Variants in PLAC1 observed in about 807,000 individuals in gnomAD.
PLAC1 encodes placenta associated 1.
For synonymous variants in PLAC1, 68 were observed against 62.1 expected (o/e 1.09, Z -0.44); for missense variants, 136 against 163.2 (o/e 0.83, Z 0.91).
chrX:134,733,946 G>T (rs2078696021), intron 1 of PLAC1, among the ~76,000 whole-genome samples: 1 of 112,006 alleles, frequency 8.9e-6, no homozygotes, highest in Non-Finnish European at 1.9e-5. Context: ...TTAGGACCCT[G>T]TCTGTTTAGT....
Position 134,665,071 on chromosome X carries a change from A to AGTGTGTGTGTGTGT in PLAC1, n.175-62963_175-62950dup, listed in dbSNP as rs59815179. 5.7e-3 allele frequency among the ~76,000 whole-genome samples: 592 copies of AGTGTGTGTGTGTGT among 103,832 alleles called. 4 individuals are homozygous for AGTGTGTGTGTGTGT. The highest frequency in any genetic ancestry group is 0.02 in the African/African-American group (571 of 28,414). 90.2% of individuals were successfully genotyped at this position (103,832 alleles called of 115,157 possible). ...TTAATTGCAAGCTTTGTGATTTTGGAGTGTGTGTGTGTGTGTGTGTGTGTA... is the reference window on the plus strand; with the variant it reads ...TTAATTGCAAGCTTTGTGATTTTGGAGTGTGTGTGTGTGTGTGTGTGTGTGTGTGTGTGTGTGTA... On this transcript the variant is annotated intron_variant and non_coding_transcript_variant, in intron 2 of 2. Transcript: ENST00000466797.
chrX:134,733,870 T>C (rs754033361), intron 1 of PLAC1, among the ~76,000 whole-genome samples: 171 of 110,226 alleles, frequency 1.6e-3, no homozygotes, highest in South Asian at 9.8e-3. Flanking sequence ...ATGAGAGCGT[T>C]CACTGCCCTT....
intron 2 of PLAC1, among the ~76,000 whole-genome samples, chrX:134,673,068 A>AAGAG (rs1385554040): frequency 8.9e-6 from 1 of 112,437 alleles, no homozygotes; most frequent in Non-Finnish European, 1.9e-5. Context: ...AAAGGTGAGA[A>AAGAG]AGAGAGAAAC....
At chrX:134,673,286 AAGAAGGAAGGAAGGAGGGAG>A (rs1455535706) in intron 2 of PLAC1, among the ~76,000 whole-genome samples, 3 of 100,052 alleles carry the variant, frequency 3.0e-5, no homozygotes, top group East Asian at 3.3e-4. Context: ...GGAGGAAGGG[AAGAAGGAAGGAAGGAGGGAG>A]AGAAGGAAGG....
chrX:134,643,932 G>GAATAATAAT (rs59970411), intron 1 of PLAC1, among the ~76,000 whole-genome samples: 2,174 of 100,407 alleles, frequency 0.022, 17 homozygotes, highest in African/African-American at 0.033. Flanking sequence ...TGTAAAAGAG[G>GAATAATAAT]AATAATAATA....
intron 1 of PLAC1, among the ~76,000 whole-genome samples, chrX:134,648,132 T>C (rs980443372): frequency 3.6e-5 from 4 of 111,139 alleles, no homozygotes; most frequent in Non-Finnish European, 7.5e-5. Context: ...TTATGTGTCT[T>C]CTGGAGTCAT....
chrX:134,696,619 A>T (rs886150097), intron 2 of PLAC1, among the ~76,000 whole-genome samples: 1 of 111,523 alleles, frequency 9.0e-6, no homozygotes, highest in Non-Finnish European at 1.9e-5. Flanking sequence ...CACAACTGAG[A>T]ATCAAGAATT....
intron 2 of PLAC1, among the ~76,000 whole-genome samples, chrX:134,681,611 T>C (rs1247416895): frequency 9.0e-6 from 1 of 111,428 alleles, no homozygotes; most frequent in Non-Finnish European, 1.9e-5. Flanking sequence ...ATGGTAATGA[T>C]GAGGATGAGG....
At chrX:134,651,679 C>G (rs868045840) in intron 1 of PLAC1, among the ~76,000 whole-genome samples, 1 of 110,638 alleles carries the variant, frequency 9.0e-6, no homozygotes, top group South Asian at 3.9e-4. Flanking sequence ...TCTTCTCTCC[C>G]TTCTGTGCCT....
chrX:134,668,835 C>T (rs781060135), intron 2 of PLAC1, among the ~76,000 whole-genome samples: 1 of 112,810 alleles, frequency 8.9e-6, no homozygotes, highest in East Asian at 2.8e-4. Context: ...AAAGAGGAGC[C>T]AAGCCCTCTC....
intron 1 of PLAC1, among the ~76,000 whole-genome samples, chrX:134,635,084 C>T: frequency 9.0e-6 from 1 of 111,589 alleles, no homozygotes; most frequent in Non-Finnish European, 1.9e-5. Context: ...AGCCCTTTCC[C>T]TGGGATAGTC....
Position 134,566,275 on chromosome X carries a change from G to A in PLAC1, c.408C>T (p.Ser136=). ...TCTCATCCTTCTGGGCTGTGGCCCT[G>A]CTCTTGCTGGCTACTCTCATGGAGC... ...KPCSMRVASK[S]RATAQKDEKC... The change falls in exon 3 of 3, where the codon AGC becomes AGT. Residue 136 remains serine (S), a synonymous_variant. Transcript: ENST00000359237. The A allele has an allele frequency of 1.7e-6, 2 of 1,211,817 alleles. No individual in the cohort carries two copies. Among genetic ancestry groups the A allele is most frequent in the Non-Finnish European group, 2.2e-6 (2 of 895,433 alleles).
intron 1 of PLAC1, among the ~76,000 whole-genome samples, chrX:134,612,879 G>A (rs1223898539): frequency 9.0e-6 from 1 of 110,924 alleles, no homozygotes; most frequent in Non-Finnish European, 1.9e-5. Context: ...ACCCCCAGGG[G>A]GTCCTATTAT....
chrX:134,676,417 G>A (rs1485643052), intron 2 of PLAC1, among the ~76,000 whole-genome samples: 1 of 112,017 alleles, frequency 8.9e-6, no homozygotes, highest in Non-Finnish European at 1.9e-5. Context: ...TAGGCCAGCA[G>A]CAGCAGGCTT....
chrX:134,629,002 A>C (rs889274376), intron 1 of PLAC1, among the ~76,000 whole-genome samples: 3 of 112,105 alleles, frequency 2.7e-5, no homozygotes, highest in African/African-American at 9.7e-5. Flanking sequence ...AGTTTCATTT[A>C]TTTCTAAGAG....
At position 134,716,638 on chromosome X, in the gene PLAC1, T is replaced by C. The variant is rs145724201; in HGVS notation, n.174+16797A>G. ...AGTCACTGATTCCCAGAGGGCCTTC[T>C]TCCAGAGGCCCACACAGTGTCATGT... On this transcript the variant is annotated intron_variant and non_coding_transcript_variant, in intron 2 of 2. Transcript: ENST00000466797. 2.7e-3 allele frequency among the ~76,000 whole-genome samples: 303 copies of C among 112,609 alleles called. 1 individual carries two copies. The highest frequency in any genetic ancestry group is 3.7e-3 in the Non-Finnish European group (198 of 53,295).
chrX:134,627,454 T>C (rs1206981794), intron 1 of PLAC1, among the ~76,000 whole-genome samples: 1 of 112,516 alleles, frequency 8.9e-6, no homozygotes, highest in Non-Finnish European at 1.9e-5. Context: ...ATTGATCTTA[T>C]ATACATACCA....
At chrX:134,579,574 C>G (rs963606352) in intron 2 of PLAC1, among the ~76,000 whole-genome samples, 1 of 111,326 alleles carries the variant, frequency 9.0e-6, no homozygotes, top group African/African-American at 3.3e-5. Flanking sequence ...ATTTCCCATG[C>G]ATGACTCGGG....
At chrX:134,671,728 G>T (rs2078456182) in intron 2 of PLAC1, among the ~76,000 whole-genome samples, 1 of 111,263 alleles carries the variant, frequency 9.0e-6, no homozygotes, top group Non-Finnish European at 1.9e-5. Context: ...CCTCCAACTA[G>T]GACCCTCTTC....
Sources: allele counts gnomAD v4.1 joint callset (sites outside exome capture counted in the v4.1 genomes callset), GRCh38; gene constraint gnomAD v4.1.1; transcripts MANE v1.5; gene names NCBI Gene and HGNC (gene_info 2026-07-23, HGNC 2026-07-21).